ARMC5: variants seen among roughly 807,000 people sequenced by gnomAD.
ARMC5 encodes armadillo repeat containing 5.
Under a neutral mutation model 60.5 loss-of-function variants are expected in ARMC5, and 28 were observed. The ratio of observed to expected loss-of-function variants is 0.46; its 90% CI spans 0.34 to 0.63. The LOEUF (loss-of-function observed/expected upper bound fraction) is 0.63, where lower values mean the gene tolerates loss of function less well. Ranked by LOEUF, ARMC5 falls within the 30% of genes least tolerant of loss-of-function variation. The pLI, the probability that ARMC5 is intolerant of heterozygous loss-of-function variation, is 0.01. For synonymous variants in ARMC5, 680 were observed against 607.3 expected (o/e 1.12, Z -1.76); for missense variants, 1,189 against 1,304.9 (o/e 0.91, Z 1.37).
chr16:31,462,321 C>T lies in ARMC5; in HGVS notation c.774C>T (p.Leu258=), dbSNP rs374005042. 7.5e-6 allele frequency: 12 copies of T among 1,610,672 alleles called. No individual in the cohort carries two copies. In the East Asian group the frequency reaches 1.1e-4, roughly 15 times the overall value. Residue 258 remains leucine, a synonymous_variant, in exon 3 of 6, where the codon CTC becomes CTT. Transcript: ENST00000268314. This position sits in a 1 kb window ranked among gnomAD's most constrained non-coding sequence, Gnocchi z 7.2. ...TAPDAALTLA[L]VRALLELSRG... The stretch of plus-strand genomic sequence containing the variant: ...CAGATGCTGCACTGACCTTAGCCCT[C>T]GTCCGTGCCCTCCTGGAACTCAGCC...
chr16:31,458,439 T>C, upstream of ARMC5: 3 of 1,535,730 alleles, frequency 2.0e-6, no homozygotes, highest in Non-Finnish European at 2.6e-6. Flanking sequence ...CACCGGTGTG[T>C]ACCCAGTGGT....
At position 31,459,577 on chromosome 16, in the gene ARMC5, A is replaced by G; in HGVS notation, c.53A>G (p.Gln18Arg). The change falls in exon 1 of 6, where the codon CAG becomes CGG. Residue 18 changes from glutamine (Q) to arginine (R), a missense_variant. Around this residue, in one of 2 missense-constraint regions of ARMC5, gnomAD observed 327 missense variants for 233.7 expected, o/e 1.40. Coordinates refer to ENST00000268314, the MANE Select transcript of ARMC5 (RefSeq NM_001105247.2). ...LTDSLSFCLA[Q>R]LAAAAGEALG... is the part of the protein sequence containing the mutation. ...GACTCGCTCTCGTTCTGCCTCGCGC[A>G]GCTCGCGGCGGCGGCCGGGGAGGCT... The G allele has an allele frequency of 1.2e-6, 2 of 1,604,470 alleles. No homozygotes were observed. Among genetic ancestry groups the G allele is most frequent in the Non-Finnish European group, 1.7e-6 (2 of 1,179,382 alleles).
chr16:31,466,966 G>T lies in ARMC5; in HGVS notation c.*77G>T. 1 of 1,418,222 alleles carries T rather than the reference G, an allele frequency of 7.1e-7. No homozygotes were observed. The highest frequency in any genetic ancestry group is 3.2e-5 in the Admixed American group (1 of 31,490). 87.9% of individuals were successfully genotyped at this position (1,418,222 alleles called of 1,614,324 possible). On this transcript the variant is annotated 3_prime_UTR_variant, in exon 6 of 6. Transcript: ENST00000268314. This position sits in a 1 kb window ranked among gnomAD's most constrained non-coding sequence, Gnocchi z 8.0. ...ATCCTCCCTGAGACTGGCAAGGGAG[G>T]AGGCTGAGCAGAAGGAGTCATCATG... is the stretch of plus-strand genomic sequence containing the variant.
At position 31,459,870 on chromosome 16, in the gene ARMC5, T is replaced by A. The variant is rs760240565; in HGVS notation, c.346T>A (p.Ser116Thr). ...GGGCCCCGCCCCCTCCGCTGTGTCG[T>A]CGTCTAGTCCTACGCCGCCAGTGCG... ...ASGPAPSAVS[S>T]SSPTPPVRLR... Residue 116 changes from serine to threonine, a missense_variant, in exon 1 of 6, where the codon TCG becomes ACG. By Grantham distance (58) the Ser-to-Thr change is moderately conservative. Coordinates refer to ENST00000268314, the MANE Select transcript of ARMC5 (RefSeq NM_001105247.2). The A allele has an allele frequency of 1.9e-5, 31 of 1,603,468 alleles. No individual in the cohort carries two copies. Among genetic ancestry groups the A allele is most frequent in the Non-Finnish European group, 2.5e-5 (29 of 1,179,374 alleles).
Position 31,462,097 on chromosome 16 carries a change from G to A in ARMC5, c.584-34G>A, listed in dbSNP as rs770083856. ...AAGAAAGGCTTGAGTGTCTGTCCTT[G>A]TTCACCCTCTGTGCTCCCCTTTCCT... On this transcript the variant is annotated intron_variant, in intron 2 of 5. Transcript: ENST00000268314. This position sits in a 1 kb window ranked among gnomAD's most constrained non-coding sequence, Gnocchi z 7.2. The A allele has an allele frequency of 1.2e-6, 2 of 1,612,992 alleles. No individual in the cohort carries two copies. The highest frequency in any genetic ancestry group is 1.7e-6 in the Non-Finnish European group (2 of 1,179,328).
At chr16:31,460,063 G>A (rs1280958545) in intron 1 of ARMC5, 64 bp downstream of exon 1, 2 of 1,533,238 alleles carry the variant, frequency 1.3e-6, no homozygotes, top group East Asian at 2.3e-5. Flanking sequence ...CTCTAGACCC[G>A]GGCAGTCTGG....
chr16:31,458,925 A>G (rs1177828180), upstream of ARMC5: 7 of 1,535,518 alleles, frequency 4.6e-6, no homozygotes, highest in Non-Finnish European at 6.1e-6. Flanking sequence ...AGCTCCGGAA[A>G]CGGAAAATTC....
upstream of ARMC5, chr16:31,458,824 G>A (rs2082270155): frequency 6.5e-7 from 1 of 1,532,758 alleles, no homozygotes; most frequent in Non-Finnish European, 8.7e-7. Flanking sequence ...GGCCGACTGC[G>A]CTGCGAGTGA....
chr16:31,461,810 C>A, intron 1 of ARMC5, 112 bp from the exon 2 acceptor site: 1 of 934,022 alleles, frequency 1.1e-6, no homozygotes, highest in Non-Finnish European at 1.7e-6. Context: ...GCCCTGCCGA[C>A]CATTAGCCTC....
In ARMC5 at chr16:31,464,948, C is replaced by T; in HGVS notation, c.1864+61C>T. ...TGTGAGTCCCCATCCTCCCCCATGG[C>T]TTCCATGGGCCCAGAACCTCACCTT... On this transcript the variant is annotated intron_variant, in intron 4 of 5. Transcript: ENST00000268314. The surrounding 1 kb of genome is among the most constrained non-coding windows in gnomAD (Gnocchi z 7.6). 1.9e-6 allele frequency: 3 copies of T among 1,612,402 alleles called. No homozygotes were observed. Among genetic ancestry groups the T allele is most frequent in the Non-Finnish European group, 2.5e-6 (3 of 1,179,330 alleles).
In ARMC5 at chr16:31,464,985, G is replaced by T; in HGVS notation, c.1864+98G>T. 6.2e-7 allele frequency: 1 copy of T among 1,610,692 alleles called. No individual in the cohort carries two copies. Among genetic ancestry groups the T allele is most frequent in the East Asian group, 2.2e-5 (1 of 44,716 alleles). ...CAGAACCTCACCTTCCCACTCACCT[G>T]TCCTCCCCAGCCCGTCCTCCAGACA... On this transcript the variant is annotated intron_variant, in intron 4 of 5. Transcript: ENST00000268314. The surrounding 1 kb of genome is among the most constrained non-coding windows in gnomAD (Gnocchi z 7.6).
intron 1 of ARMC5, chr16:31,460,211 A>G (rs1403321078): frequency 3.7e-6 from 2 of 542,000 alleles, no homozygotes; most frequent in African/African-American, 4.0e-5. Flanking sequence ...AATTGTAGCC[A>G]TTATCTAGGA....
chr16:31,462,811 G>A lies in ARMC5; in HGVS notation c.1264G>A (p.Gly422Ser), dbSNP rs372472557. 1.8e-4 allele frequency: 294 copies of A among 1,613,932 alleles called. No homozygotes were observed. Among genetic ancestry groups the A allele is most frequent in the South Asian group, 8.2e-4 (75 of 91,084 alleles). The change falls in exon 3 of 6, where the codon GGT (glycine) becomes AGT (serine). Residue 422 changes from glycine (G) to serine (S), a missense_variant. By Grantham distance (56) the Gly-to-Ser change is moderately conservative. This residue lies in a region of ARMC5 where 862 missense variants were observed against 1,071.2 expected (regional missense o/e 0.80). Transcript: ENST00000268314. This position sits in a 1 kb window ranked among gnomAD's most constrained non-coding sequence, Gnocchi z 7.2. ...LVPLLAGQLC[G>S]EAGEEEEEGR... is the part of the protein sequence containing the mutation. Reference sequence around the variant, plus strand: ...GCCTCTCCTGGCTGGGCAGCTGTGTGGTGAGGCTGGTGAGGAGGAAGAAGA... The same window carrying A: ...GCCTCTCCTGGCTGGGCAGCTGTGTAGTGAGGCTGGTGAGGAGGAAGAAGA...
chr16:31,464,441 C>A lies in ARMC5; in HGVS notation c.1418C>A (p.Ser473Tyr). Residue 473 changes from serine (S) to tyrosine (Y), a missense_variant, in exon 4 of 6, where the codon TCC becomes TAC. Ser to Tyr is a moderately radical substitution (Grantham distance 144). This residue lies in a region of ARMC5 where 862 missense variants were observed against 1,071.2 expected (regional missense o/e 0.80). Coordinates refer to ENST00000268314, the MANE Select transcript of ARMC5 (RefSeq NM_001105247.2). The surrounding 1 kb of genome is among the most constrained non-coding windows in gnomAD (Gnocchi z 7.6). ...TATGCCACAGGCCCTGATGACATCT[C>A]CCCCGACTGGTCTCCTGAGCAGTGT... Reference protein sequence around the residue: ...EGYATGPDDISPDWSPEQCPP... With the variant: ...EGYATGPDDIYPDWSPEQCPP... The A allele has an allele frequency of 6.3e-7, 1 of 1,578,234 alleles. No homozygotes were observed. Among genetic ancestry groups the A allele is most frequent in the Admixed American group, 1.9e-5 (1 of 52,976 alleles).
chr16:31,465,418 C>T (rs559275955), intron 4 of ARMC5: 18 of 1,127,376 alleles, frequency 1.6e-5, no homozygotes, highest in Admixed American at 1.4e-4. Context: ...GCTCCTATCT[C>T]TGTATGGCCT....
rs1567377180 is a variant in ARMC5 at position 31,464,616 on chromosome 16, CT to C, written c.1597del (p.Ser533ProfsTer11). 6.3e-7 allele frequency: 1 copy of C among 1,595,744 alleles called. No individual in the cohort carries two copies. Reference sequence around the variant, plus strand: ...GGCCAGCCCTGCTGCTGCTGTCGCGCTTTTCCCAGGCCCCTGACCCAAGTGG... The same window carrying C: ...GGCCAGCCCTGCTGCTGCTGTCGCGCTTTCCCAGGCCCCTGACCCAAGTGG... ...EGPALLLLSR[F>X]SQAPDPSGAL... On this transcript the variant is annotated frameshift_variant, in exon 4 of 6. Transcript: ENST00000268314. LOFTEE classifies it high-confidence loss of function. This position sits in a 1 kb window ranked among gnomAD's most constrained non-coding sequence, Gnocchi z 7.6.
chr16:31,462,115 C>A lies in ARMC5; in HGVS notation c.584-16C>A. ...TGTCCTTGTTCACCCTCTGTGCTCC[C>A]CTTTCCTGCCCTCAGGTGCTGTTCC... On this transcript the variant is annotated splice_polypyrimidine_tract_variant and intron_variant, in intron 2 of 5. Coordinates refer to ENST00000268314, the MANE Select transcript of ARMC5 (RefSeq NM_001105247.2). This position sits in a 1 kb window ranked among gnomAD's most constrained non-coding sequence, Gnocchi z 7.2. 1 of 1,612,110 alleles carries A rather than the reference C, an allele frequency of 6.2e-7. No homozygotes were observed. The highest frequency in any genetic ancestry group is 8.5e-7 in the Non-Finnish European group (1 of 1,178,760).
chr16:31,464,582 G>T lies in ARMC5; in HGVS notation c.1559G>T (p.Gly520Val). 2 of 1,583,782 alleles carry T rather than the reference G, an allele frequency of 1.3e-6. No homozygotes were observed. Among genetic ancestry groups the T allele is most frequent in the Non-Finnish European group, 1.7e-6 (2 of 1,169,246 alleles). Residue 520 changes from glycine to valine, a missense_variant, in exon 4 of 6, where the codon GGA (glycine) becomes GTA (valine). By Grantham distance (109) the Gly-to-Val change is moderately radical (BLOSUM62 -3). Around this residue, in one of 2 missense-constraint regions of ARMC5, gnomAD observed 862 missense variants for 1,071.2 expected, o/e 0.80. Transcript: ENST00000268314. The surrounding 1 kb of genome is among the most constrained non-coding windows in gnomAD (Gnocchi z 7.6). ...SPAAAIEEPW[G>V]REGPALLLLS... ...GCCGCCGCCATCGAGGAGCCTTGGG[G>T]ACGCGAAGGGCCAGCCCTGCTGCTG...
In ARMC5 at chr16:31,459,579, C is replaced by A. The variant is rs1361004429; in HGVS notation, c.55C>A (p.Leu19Ile). 6.2e-7 allele frequency: 1 copy of A among 1,604,208 alleles called. No homozygotes were observed. Among genetic ancestry groups the A allele is most frequent in the Admixed American group, 1.7e-5 (1 of 59,846 alleles). Residue 19 changes from leucine (L) to isoleucine (I), a missense_variant, in exon 1 of 6, where the codon CTC (leucine) becomes ATC (isoleucine). Physicochemically the swap from Leu to Ile is conservative, Grantham distance 5. This residue lies in a region of ARMC5 where 327 missense variants were observed against 233.7 expected (regional missense o/e 1.40). Coordinates refer to ENST00000268314, the MANE Select transcript of ARMC5 (RefSeq NM_001105247.2). ...TDSLSFCLAQ[L>I]AAAAGEALGG... Reference sequence around the variant, plus strand: ...CTCGCTCTCGTTCTGCCTCGCGCAGCTCGCGGCGGCGGCCGGGGAGGCTCT... The same window carrying A: ...CTCGCTCTCGTTCTGCCTCGCGCAGATCGCGGCGGCGGCCGGGGAGGCTCT...
Sources: allele counts gnomAD v4.1 joint callset, GRCh38; gene constraint gnomAD v4.1.1; regional missense constraint gnomAD v4.1.1; non-coding constraint Gnocchi (gnomAD v3.1); transcripts MANE v1.5; gene names NCBI Gene and HGNC (gene_info 2026-07-23, HGNC 2026-07-21).